Variants in RNF38 observed in about 807,000 individuals in gnomAD.
The protein encoded by RNF38 is E3 ubiquitin-protein ligase RNF38.
A neutral mutation model predicts 67.2 loss-of-function variants in RNF38; 15 were observed. The observed-to-expected ratio is 0.22, with a 90% confidence interval of 0.15 to 0.34. RNF38 has a LOEUF of 0.34. Ranked by LOEUF, RNF38 falls within the 10% of genes least tolerant of loss-of-function variation. The pLI, the probability that RNF38 is intolerant of heterozygous loss-of-function variation, is 1.00. For synonymous variants in RNF38, 220 were observed against 218.8 expected, an observed-to-expected ratio of 1.01 and a Z score of -0.05; for missense variants, 524 against 639.9, an observed-to-expected ratio of 0.82 and a Z score of 1.95.
At chr9:36,481,826 A>G (rs1840276783) in intron 1 of RNF38, among the ~76,000 whole-genome samples, 1 of 152,172 alleles carries the variant, frequency 6.6e-6, no homozygotes, top group Admixed American at 6.6e-5. Flanking sequence ...AAAAAATGAA[A>G]CAGCAGGAAG....
chr9:36,354,855 C>T (rs1050484742), intron 6 of RNF38, among the ~76,000 whole-genome samples: 1 of 152,176 alleles, frequency 6.6e-6, no homozygotes, highest in African/African-American at 2.4e-5. Flanking sequence ...TAAGTAAATA[C>T]TAAGCTTTAA....
chr9:36,353,380 C>G, intron 6 of RNF38, 49 bp from the exon 7 acceptor site: 1 of 1,250,328 alleles, frequency 8.0e-7, no homozygotes, highest in Non-Finnish European at 1.1e-6. Context: ...ATATATACTT[C>G]CTGTGTTTAG....
At chr9:36,476,983 C>A (rs1840134608) in intron 1 of RNF38, among the ~76,000 whole-genome samples, 1 of 152,018 alleles carries the variant, frequency 6.6e-6, no homozygotes, top group Non-Finnish European at 1.5e-5. Context: ...ACAAAAAGGG[C>A]CACCCTTATC....
At chr9:36,395,396 T>C (rs7038026) in intron 1 of RNF38, among the ~76,000 whole-genome samples, 1,689 of 151,872 alleles carry the variant, frequency 0.011, 29 homozygotes, top group African/African-American at 0.038. Context: ...CAGTATGACA[T>C]AACGTACTTC....
In RNF38 at chr9:36,456,609, T is replaced by A. The variant is rs1219569070; in HGVS notation, n.241+30699A>T. Among the ~76,000 whole-genome samples the A allele has an allele frequency of 2.0e-5, 3 of 152,216 alleles. No individual in the cohort carries two copies. In the East Asian group the frequency reaches 5.8e-4, roughly 29 times the overall value. ...TAGACTCTGCCTTGCCAGTGAAGGC[T>A]GTCTCTCCTGCTGGGCTGAGGGTTT... On this transcript the variant is annotated intron_variant and non_coding_transcript_variant, in intron 1 of 3. Coordinates refer to the RNF38 transcript ENST00000488058.
chr9:36,442,349 G>T (rs903558933), intron 1 of RNF38, among the ~76,000 whole-genome samples: 2 of 152,116 alleles, frequency 1.3e-5, no homozygotes, highest in South Asian at 2.1e-4. Flanking sequence ...GAGCTTGGGG[G>T]TTCATTAAAT....
At chr9:36,370,827 A>G (rs560616795) in intron 3 of RNF38, among the ~76,000 whole-genome samples, 33 of 151,696 alleles carry the variant, frequency 2.2e-4, no homozygotes, top group African/African-American at 7.7e-4. Flanking sequence ...AGAATCACCT[A>G]AAGCCTGGAA....
intron 3 of RNF38, chr9:36,372,387 T>C (rs768449105): frequency 1.0e-4 from 58 of 574,788 alleles, no homozygotes; most frequent in Non-Finnish European, 1.7e-4. Context: ...TTATTGTTAA[T>C]TGAGTTTAAT....
chr9:36,435,627 T>G (rs575825410), intron 1 of RNF38, among the ~76,000 whole-genome samples: 2 of 151,548 alleles, frequency 1.3e-5, no homozygotes, highest in South Asian at 2.1e-4. Flanking sequence ...ATGGAGGTTT[T>G]TTTTTTTTTT....
At chr9:36,355,137 A>G (rs914468641) in intron 6 of RNF38, among the ~76,000 whole-genome samples, 4 of 152,222 alleles carry the variant, frequency 2.6e-5, no homozygotes, top group Non-Finnish European at 5.9e-5. Flanking sequence ...AACTTGCGTC[A>G]TAATTGCTTC....
intron 2 of RNF38, among the ~76,000 whole-genome samples, chr9:36,382,250 TAC>T (rs1836266695): frequency 6.6e-6 from 1 of 152,186 alleles, no homozygotes; most frequent in Non-Finnish European, 1.5e-5. Context: ...TAGAACGTTG[TAC>T]AGACATTACA....
intron 4 of RNF38, among the ~76,000 whole-genome samples, chr9:36,369,411 G>C (rs552448692): frequency 6.6e-6 from 1 of 152,058 alleles, no homozygotes; most frequent in African/African-American, 2.4e-5. Flanking sequence ...AGTAGAGACG[G>C]GGTTTCACTG....
chr9:36,411,243 T>C (rs1838318731), intron 2 of RNF38, among the ~76,000 whole-genome samples: 1 of 151,024 alleles, frequency 6.6e-6, no homozygotes, highest in African/African-American at 2.4e-5. Flanking sequence ...GGATAGTTAC[T>C]ATAAAAAAAT....
At chr9:36,460,924 A>C (rs1839718082) in intron 1 of RNF38, among the ~76,000 whole-genome samples, 1 of 150,738 alleles carries the variant, frequency 6.6e-6, no homozygotes, top group African/African-American at 2.4e-5. Context: ...AGAAAGAAAA[A>C]AAAGGAGGCT....
chr9:36,338,389 A>C lies in RNF38; in HGVS notation c.*1363T>G, dbSNP rs1182275390. 1 of 152,176 alleles carries C rather than the reference A, an allele frequency of 6.6e-6. No individual in the cohort carries two copies. Among genetic ancestry groups the C allele is most frequent in the African/African-American group, 2.4e-5 (1 of 41,438 alleles). 9.4% of individuals were successfully genotyped at this position (152,176 alleles called of 1,614,324 possible). ...CTGTTGTATTAAACTTTTCTCATTC[A>C]AACAAAAATTAAAAGGAAAGGCAGT... On this transcript the variant is annotated 3_prime_UTR_variant, in exon 12 of 12. Transcript: ENST00000259605.
At chr9:36,434,694 G>A (rs1022267598) in intron 1 of RNF38, among the ~76,000 whole-genome samples, 7 of 152,154 alleles carry the variant, frequency 4.6e-5, no homozygotes, top group Non-Finnish European at 8.8e-5. Context: ...CAGCCTACAT[G>A]TAACTTTTAA....
chr9:36,409,606 C>T lies in RNF38; in HGVS notation n.312+15007G>A, dbSNP rs868425790. ...GCTCAAATACCTGTACAGTCAATAA[C>T]TTGCTCTAGATGACACACACCCTGC... On this transcript the variant is annotated intron_variant and non_coding_transcript_variant, in intron 2 of 3. Coordinates refer to the RNF38 transcript ENST00000488058. Among the ~76,000 whole-genome samples the T allele has an allele frequency of 5.3e-5, 8 of 152,338 alleles. No homozygotes were observed. In the Middle Eastern group the frequency reaches 0.01, roughly 194 times the overall value.
Position 36,369,780 on chromosome 9 carries a change from A to T in RNF38, c.509T>A (p.Leu170Gln). The T allele has an allele frequency of 1.2e-6, 2 of 1,614,068 alleles. No homozygotes were observed. The highest frequency in any genetic ancestry group is 1.7e-6 in the Non-Finnish European group (2 of 1,180,024). Residue 170 changes from leucine to glutamine, a missense_variant, in exon 4 of 12, where the codon CTG (leucine) becomes CAG (glutamine). By Grantham distance (113) the Leu-to-Gln change is moderately radical. Transcript: ENST00000259605. ...GGGTGGATGAGCAGCAGGATGTAGC[A>T]GACGGGGAGATACATTCGGAGGGTG... ...AFHPPNVSPR[L>Q]LHPAAHPPQQ...
In RNF38 at chr9:36,351,822, T is replaced by C. The variant is rs796695295; in HGVS notation, c.1179-623A>G. On this transcript the variant is annotated intron_variant, in intron 8 of 11. Coordinates refer to ENST00000259605, the MANE Select transcript of RNF38 (RefSeq NM_022781.5). ...TACGTGCCACTTCTGGGACATATCC[T>C]TGAGAGGAGCAGGTAGGCAGAGGAA... is the stretch of plus-strand genomic sequence containing the variant. Among the ~76,000 whole-genome samples, 11 of 152,286 alleles carry C rather than the reference T, an allele frequency of 7.2e-5. 1 individual carries two copies. Among genetic ancestry groups the C allele is most frequent in the African/African-American group, 2.6e-4 (11 of 41,556 alleles).
Sources: allele counts gnomAD v4.1 joint callset (sites outside exome capture counted in the v4.1 genomes callset), GRCh38; gene constraint gnomAD v4.1.1; transcripts MANE v1.5; gene names NCBI Gene and HGNC (gene_info 2026-07-23, HGNC 2026-07-21).